The following ZMYM1 variants were observed in gnomAD, a reference collection of about 807,000 sequenced individuals.
ZMYM1 encodes zinc finger MYM-type protein 1.
In ZMYM1, 39 loss-of-function variants were observed where a neutral mutation model predicts 60.0. The ratio of observed to expected loss-of-function variants is 0.65; its 90% CI spans 0.50 to 0.85. ZMYM1 has a LOEUF of 0.85. Ranked by LOEUF, ZMYM1 falls within the 40% of genes least tolerant of loss-of-function variation. ZMYM1 has a pLI of 0.00. For missense variants in ZMYM1, 1,171 were observed against 1,309.5 expected, an observed-to-expected ratio of 0.89 and a Z score of 1.63; for synonymous variants, 413 against 454.0, an observed-to-expected ratio of 0.91 and a Z score of 1.15.
At chr1:35,117,120 C>T (rs1644257881), downstream of ZMYM1, among the ~76,000 whole-genome samples, 1 of 124,258 alleles carries the variant, frequency 8.0e-6, no homozygotes, top group Admixed American at 8.9e-5. Context: ...CGTGAGCCAC[C>T]GCGCCCGGCC....
At chr1:35,092,001 C>T (rs1334972037) in intron 1 of ZMYM1, among the ~76,000 whole-genome samples, 2 of 151,706 alleles carry the variant, frequency 1.3e-5, no homozygotes, top group Non-Finnish European at 2.9e-5. Flanking sequence ...TCTTGGCTGA[C>T]TGCAACCTCT....
intron 1 of ZMYM1, among the ~76,000 whole-genome samples, chr1:35,087,211 C>G (rs182536471): frequency 2.9e-3 from 439 of 150,322 alleles, no homozygotes; most frequent in Non-Finnish European, 5.2e-3. Context: ...AGGCTAGTCT[C>G]GAACTCCTGA....
Position 35,094,084 on chromosome 1 carries a change from G to A in ZMYM1, c.96+1G>A, listed in dbSNP as rs370143489. 1.9e-6 allele frequency: 3 copies of A among 1,605,802 alleles called. No individual in the cohort carries two copies. The African/African-American group carries it at 4.0e-5, about 22-fold the overall frequency. ...TAAGACAGAACCCGACAATGCTCAA[G>A]TAAATATTTTCCCTTATTTCCATTA... On this transcript the variant is annotated splice_donor_variant, in intron 2 of 9. Transcript: ENST00000359858. LOFTEE classifies it high-confidence loss of function.
intron 6 of ZMYM1, among the ~76,000 whole-genome samples, chr1:35,105,414 G>A (rs1643866321): frequency 6.6e-6 from 1 of 151,742 alleles, no homozygotes; most frequent in African/African-American, 2.4e-5. Context: ...TGGGATTACA[G>A]GCATGAACCA....
chr1:35,084,683 G>A (rs914555049), intron 1 of ZMYM1, among the ~76,000 whole-genome samples: 5 of 152,308 alleles, frequency 3.3e-5, no homozygotes, highest in African/African-American at 1.2e-4. Context: ...ACTCAGCATA[G>A]CTGCTATAAT....
upstream of ZMYM1, among the ~76,000 whole-genome samples, chr1:35,074,419 C>CT (rs932886687): frequency 1.5e-4 from 22 of 151,134 alleles, no homozygotes; most frequent in South Asian, 4.2e-4. Context: ...TGTTGATTTT[C>CT]TTTTTTTTTC....
At chr1:35,088,024 C>T (rs571871095) in intron 1 of ZMYM1, among the ~76,000 whole-genome samples, 2 of 152,086 alleles carry the variant, frequency 1.3e-5, no homozygotes, top group African/African-American at 4.8e-5. Context: ...TATGTCACTG[C>T]ACTCCAGCCT....
intron 1 of ZMYM1, among the ~76,000 whole-genome samples, chr1:35,064,292 C>CAAAAAAAAAAA (rs371084383): frequency 1.5e-4 from 8 of 54,488 alleles, no homozygotes; most frequent in Non-Finnish European, 2.4e-4. Context: ...GATCCTGTCT[C>CAAAAAAAAAAA]AAAAAAAAAA....
intron 1 of ZMYM1, among the ~76,000 whole-genome samples, chr1:35,088,432 G>GGGTA (rs1642779700): frequency 4.2e-5 from 1 of 23,916 alleles, no homozygotes. Flanking sequence ...ATGTGTTTAT[G>GGGTA]TGTATATATA....
chr1:35,095,411 T>G (rs1441987513), intron 2 of ZMYM1, among the ~76,000 whole-genome samples: 1 of 151,348 alleles, frequency 6.6e-6, no homozygotes, highest in Non-Finnish European at 1.5e-5. Context: ...GAAGAATCAC[T>G]TGAACCCAGA....
At chr1:35,067,023 T>C (rs994330701) in intron 1 of ZMYM1, among the ~76,000 whole-genome samples, 1 of 152,152 alleles carries the variant, frequency 6.6e-6, no homozygotes, top group East Asian at 1.9e-4. Flanking sequence ...CTGTCACCCA[T>C]GCTGGAGTGC....
chr1:35,112,566 A>C (rs1367845052), intron 9 of ZMYM1, among the ~76,000 whole-genome samples: 1 of 38,810 alleles, frequency 2.6e-5, no homozygotes, highest in African/African-American at 8.5e-5. Flanking sequence ...ATTGTATATA[A>C]TATAAATATA....
chr1:35,104,857 C>A, intron 6 of ZMYM1, 88 bp downstream of exon 6: 1 of 1,079,310 alleles, frequency 9.3e-7, no homozygotes. Flanking sequence ...TTTTGGTACC[C>A]TTTGGAATAA....
intron 3 of ZMYM1, 121 bp from the exon 4 acceptor site, chr1:35,097,196 T>C (rs1643380570): frequency 8.9e-7 from 1 of 1,124,488 alleles, no homozygotes; most frequent in South Asian, 1.6e-5. Context: ...CTGCCTAGAG[T>C]GCAAAAGAGG....
intron 9 of ZMYM1, 72 bp downstream of exon 9, chr1:35,112,202 G>C: frequency 1.3e-6 from 2 of 1,493,834 alleles, no homozygotes; most frequent in Non-Finnish European, 1.9e-6. Flanking sequence ...TGTTGAGACA[G>C]AGTCTCGCTC....
intron 4 of ZMYM1, among the ~76,000 whole-genome samples, chr1:35,099,512 A>G (rs1041466580): frequency 1.3e-5 from 2 of 152,196 alleles, no homozygotes; most frequent in Non-Finnish European, 2.9e-5. Context: ...TACTTCCTCT[A>G]GAATAAAATT....
intron 4 of ZMYM1, among the ~76,000 whole-genome samples, chr1:35,100,317 T>C (rs1043374856): frequency 9.9e-5 from 15 of 152,248 alleles, no homozygotes; most frequent in Non-Finnish European, 2.2e-4. Flanking sequence ...ATTTTAAATC[T>C]TATTAGAAAG....
At chr1:35,109,865 G>T (rs1230642995) in intron 6 of ZMYM1, among the ~76,000 whole-genome samples, 1 of 151,936 alleles carries the variant, frequency 6.6e-6, no homozygotes, top group African/African-American at 2.4e-5. Flanking sequence ...TCCTGCCTCA[G>T]CCTCCTGAGT....
rs1322792921 is a variant in ZMYM1, at chr1:35,104,672, C to T, written c.710C>T (p.Thr237Ile). Residue 237 changes from threonine (T) to isoleucine (I), a missense_variant, in exon 6 of 10, where the codon ACT becomes ATT. Coordinates refer to ENST00000359858, the MANE Select transcript of ZMYM1 (RefSeq NM_024772.5). ...ATGAACTGCTGTGAGAACTGTGGCACTTACTGTTACACCAGCTCTAGTCTG... is the reference window on the plus strand; with the variant it reads ...ATGAACTGCTGTGAGAACTGTGGCATTTACTGTTACACCAGCTCTAGTCTG... ...FIMNCCENCG[T>I]YCYTSSSLSH... 1 of 1,614,166 alleles carries T rather than the reference C, an allele frequency of 6.2e-7. No individual in the cohort carries two copies. Among genetic ancestry groups the T allele is most frequent in the Non-Finnish European group, 8.5e-7 (1 of 1,180,020 alleles).
Sources: gnomAD v4.1 joint callset for allele counts (sites outside exome capture counted in the v4.1 genomes callset) on GRCh38, gnomAD v4.1.1 for gene constraint, MANE v1.5 for transcripts, NCBI Gene and HGNC (gene_info 2026-07-23, HGNC 2026-07-21) for gene names.